GPC6: variants seen among roughly 807,000 people sequenced by gnomAD.
The protein encoded by GPC6 is glypican-6.
GPC6 carries 14 observed loss-of-function variants against 55.2 expected under a neutral mutation model. That is an observed-to-expected ratio of 0.25 (90% CI 0.17 to 0.40). The LOEUF is 0.40. Among genes scored for constraint, GPC6 ranks in the 10% least tolerant of loss-of-function variants. The probability of loss-of-function intolerance (pLI) is 1.00; values close to 1 mark genes in which losing one functional copy is unlikely to be tolerated. For synonymous variants in GPC6, 278 were observed against 259.6 expected (o/e 1.07, Z -0.68); for missense variants, 641 against 708.5 (o/e 0.90, Z 1.08).
chr13:94,087,149 A>C (rs187832334), intron 4 of GPC6, among the ~76,000 whole-genome samples: 14 of 152,374 alleles, frequency 9.2e-5, no homozygotes, highest in Admixed American at 7.2e-4. Flanking sequence ...TAAATGGGAT[A>C]TTTGATGGTG....
intron 6 of GPC6, among the ~76,000 whole-genome samples, chr13:94,358,294 A>G (rs893485031): frequency 6.6e-6 from 1 of 151,964 alleles, no homozygotes; most frequent in Non-Finnish European, 1.5e-5. Context: ...GTCAAAAAAA[A>G]AAAAAAAGAA....
At chr13:94,189,038 T>C (rs910059976) in intron 4 of GPC6, among the ~76,000 whole-genome samples, 1 of 152,200 alleles carries the variant, frequency 6.6e-6, no homozygotes, top group Admixed American at 6.5e-5. Flanking sequence ...ATTCCTAATA[T>C]GTGTTGCTAA....
intron 2 of GPC6, among the ~76,000 whole-genome samples, chr13:93,589,650 A>C (rs564357661): frequency 6.6e-6 from 1 of 152,292 alleles, no homozygotes; most frequent in African/African-American, 2.4e-5. Flanking sequence ...AAAGTCTGGG[A>C]AAATCACATA....
intron 1 of GPC6, among the ~76,000 whole-genome samples, chr13:93,533,708 G>A (rs1276013981): frequency 1.3e-5 from 2 of 151,968 alleles, no homozygotes; most frequent in African/African-American, 4.8e-5. Context: ...TCACCTTGGC[G>A]TATGGCATGC....
chr13:94,079,924 C>T (rs1211750712), intron 4 of GPC6, among the ~76,000 whole-genome samples: 2 of 152,172 alleles, frequency 1.3e-5, no homozygotes, highest in African/African-American at 4.8e-5. Flanking sequence ...AAATAAATTA[C>T]ATGGTTGACA....
intron 3 of GPC6, among the ~76,000 whole-genome samples, chr13:93,968,060 T>G (rs1880124570): frequency 6.6e-6 from 1 of 152,124 alleles, no homozygotes; most frequent in Non-Finnish European, 1.5e-5. Context: ...TAAGATAAAA[T>G]TTGTAACTGA....
intron 4 of GPC6, among the ~76,000 whole-genome samples, chr13:94,223,781 C>T (rs1487979523): frequency 6.6e-6 from 1 of 152,136 alleles, no homozygotes; most frequent in African/African-American, 2.4e-5. Context: ...ATCCCCAGTA[C>T]AGCAGATCCT....
intron 4 of GPC6, among the ~76,000 whole-genome samples, chr13:94,266,151 C>CTTTTTT (rs111623457): frequency 1.4e-5 from 2 of 142,862 alleles, no homozygotes; most frequent in African/African-American, 2.6e-5. Flanking sequence ...CTTTTCTTTT[C>CTTTTTT]TTTTTTTTTT....
chr13:93,747,501 G>A (rs12871975), intron 2 of GPC6, among the ~76,000 whole-genome samples: 4 of 152,166 alleles, frequency 2.6e-5, no homozygotes, highest in South Asian at 2.1e-4. Flanking sequence ...CCCTGTCGCT[G>A]TCGCATTCCC....
At chr13:93,682,112 G>A in intron 2 of GPC6, among the ~76,000 whole-genome samples, 1 of 152,102 alleles carries the variant, frequency 6.6e-6, no homozygotes, top group East Asian at 1.9e-4. Context: ...TAGACTGCTA[G>A]ATAATAAGCA....
chr13:94,271,396 A>T (rs12020909), intron 4 of GPC6, among the ~76,000 whole-genome samples: 1 of 129,574 alleles, frequency 7.7e-6, no homozygotes, highest in Admixed American at 7.2e-5. Flanking sequence ...ACACACACAC[A>T]CACACACACA....
At chr13:93,901,409 T>C (rs1237836665) in intron 3 of GPC6, among the ~76,000 whole-genome samples, 2 of 152,014 alleles carry the variant, frequency 1.3e-5, no homozygotes, top group Non-Finnish European at 2.9e-5. Context: ...GAAGTGACTT[T>C]CATAATGTTA....
chr13:93,479,480 C>T (rs1252920699), intron 1 of GPC6, among the ~76,000 whole-genome samples: 1 of 152,018 alleles, frequency 6.6e-6, no homozygotes, highest in Non-Finnish European at 1.5e-5. Context: ...TAACAATTAG[C>T]GCTGTTCAGC....
At chr13:93,218,532 AG>A in the GPC6 span, among the ~76,000 whole-genome samples, 1 of 152,228 alleles carries the variant, frequency 6.6e-6, no homozygotes, top group Non-Finnish European at 1.5e-5. Context: ...AATGTGACAC[AG>A]TTGGGCTTAA....
chr13:93,467,102 C>A (rs557880157), intron 1 of GPC6, among the ~76,000 whole-genome samples: 1 of 152,166 alleles, frequency 6.6e-6, no homozygotes, highest in Non-Finnish European at 1.5e-5. Context: ...CGTTGCCTTT[C>A]TTCTTTCTAC....
At chr13:93,278,286 A>G (rs1218760772) in intron 1 of GPC6, among the ~76,000 whole-genome samples, 6 of 152,222 alleles carry the variant, frequency 3.9e-5, no homozygotes, top group Admixed American at 3.9e-4. Flanking sequence ...GGTAACAAAT[A>G]CGTAACATTA....
chr13:93,384,510 T>G (rs1209450524), intron 1 of GPC6, among the ~76,000 whole-genome samples: 1 of 151,916 alleles, frequency 6.6e-6, no homozygotes, highest in Non-Finnish European at 1.5e-5. Flanking sequence ...TGGGTTAAAG[T>G]GGAGAATATG....
chr13:93,882,870 C>T (rs1875081446), intron 3 of GPC6, among the ~76,000 whole-genome samples: 1 of 152,126 alleles, frequency 6.6e-6, no homozygotes, highest in South Asian at 2.1e-4. Flanking sequence ...TGAACAGACT[C>T]ACTGAGAGTG....
chr13:94,221,428 C>A lies in GPC6; in HGVS notation c.878-64921C>A, dbSNP rs540838479. Among the ~76,000 whole-genome samples, 6 of 152,220 alleles carry A rather than the reference C, an allele frequency of 3.9e-5. No individual in the cohort carries two copies. In the South Asian group the frequency reaches 1.2e-3, roughly 32 times the overall value. ...TTGCAACCATGAGGGAAAAAAGCAT[C>A]TCTAAGCCAACTTATTTTTCATAGA... On this transcript the variant is annotated intron_variant, in intron 4 of 8. Transcript: ENST00000377047.
Sources: gnomAD v4.1 joint callset for allele counts (sites outside exome capture counted in the v4.1 genomes callset) on GRCh38, gnomAD v4.1.1 for gene constraint, MANE v1.5 for transcripts, NCBI Gene and HGNC (gene_info 2026-07-23, HGNC 2026-07-21) for gene names.